The following SCAPER variants were observed in gnomAD, a reference collection of about 807,000 sequenced individuals.
SCAPER encodes S phase cyclin A-associated protein in the endoplasmic reticulum.
SCAPER carries 98 observed loss-of-function variants against 182.2 expected under a neutral mutation model. The observed-to-expected ratio is 0.54, with a 90% CI of 0.46 to 0.64. The LOEUF (loss-of-function observed/expected upper bound fraction) is 0.64. Among genes scored for constraint, SCAPER ranks in the 30% least tolerant of loss-of-function variants. SCAPER has a pLI of 0.00. For missense variants in SCAPER, 1,432 were observed against 1,690.0 expected (o/e 0.85, Z 2.68); for synonymous variants, 605 against 564.6 (o/e 1.07, Z -1.01).
chr15:76,425,801 A>G (rs2046384230), intron 26 of SCAPER, among the ~76,000 whole-genome samples: 1 of 152,036 alleles, frequency 6.6e-6, no homozygotes, highest in African/African-American at 2.4e-5. Context: ...TTTGGTGTGG[A>G]TGTCCTTTGT....
intron 21 of SCAPER, among the ~76,000 whole-genome samples, chr15:76,642,967 T>C (rs140822192): frequency 2.6e-5 from 4 of 152,204 alleles, no homozygotes; most frequent in Non-Finnish European, 5.9e-5. Context: ...AGGTTTCAAT[T>C]AAAAAAGATA....
At chr15:76,652,108 T>C (rs116439742) in intron 21 of SCAPER, among the ~76,000 whole-genome samples, 1 of 149,408 alleles carries the variant, frequency 6.7e-6, no homozygotes, top group East Asian at 2.0e-4. Context: ...AGATTAGGCA[T>C]CAAAGAAACA....
At chr15:76,783,845 T>TA (rs779076876) in intron 8 of SCAPER, among the ~76,000 whole-genome samples, 2 of 152,224 alleles carry the variant, frequency 1.3e-5, no homozygotes, top group African/African-American at 4.8e-5. Flanking sequence ...CACTTCATGC[T>TA]AAAAACTCTC....
intron 23 of SCAPER, among the ~76,000 whole-genome samples, chr15:76,535,720 A>T (rs1036791326): frequency 6.6e-6 from 1 of 152,032 alleles, no homozygotes; most frequent in Non-Finnish European, 1.5e-5. Flanking sequence ...AAATCTTTTC[A>T]TTCAGGCTCT....
At chr15:76,481,220 A>G (rs1186481411) in intron 24 of SCAPER, among the ~76,000 whole-genome samples, 1 of 152,220 alleles carries the variant, frequency 6.6e-6, no homozygotes, top group Non-Finnish European at 1.5e-5. Context: ...TTATTTTAGA[A>G]CTTGAAAATT....
At chr15:76,870,847 G>A (rs1441934421) in intron 2 of SCAPER, among the ~76,000 whole-genome samples, 6 of 151,940 alleles carry the variant, frequency 3.9e-5, no homozygotes, top group East Asian at 1.9e-4. Flanking sequence ...ATCATACCAC[G>A]AATCAATAGG....
intron 22 of SCAPER, among the ~76,000 whole-genome samples, chr15:76,583,893 C>A (rs962615955): frequency 3.3e-5 from 5 of 152,120 alleles, no homozygotes; most frequent in Non-Finnish European, 5.9e-5. Context: ...AACAGAGCTA[C>A]CATATGATCT....
chr15:76,864,332 A>G (rs141101855), intron 2 of SCAPER, among the ~76,000 whole-genome samples: 10 of 152,346 alleles, frequency 6.6e-5, no homozygotes, highest in South Asian at 2.1e-4. Context: ...ATATACACAT[A>G]AAGTAGTTTC....
At chr15:76,763,703 G>A (rs1234993277) in intron 14 of SCAPER, among the ~76,000 whole-genome samples, 2 of 151,862 alleles carry the variant, frequency 1.3e-5, no homozygotes, top group East Asian at 3.8e-4. Flanking sequence ...CTGTTTTCAA[G>A]TTCTCTTGAT....
intron 23 of SCAPER, among the ~76,000 whole-genome samples, chr15:76,568,106 T>C (rs1446446281): frequency 1.3e-5 from 2 of 151,588 alleles, no homozygotes; most frequent in Admixed American, 6.6e-5. Context: ...ATTCACTAAA[T>C]AGAGCACACT....
rs868339832 is a variant in SCAPER at position 76,568,126 on chromosome 15, C to T, written c.2838+6032G>A. Among the ~76,000 whole-genome samples the T allele has an allele frequency of 5.3e-4, 80 of 150,420 alleles. 2 individuals carry two copies. The highest frequency in any genetic ancestry group is 5.0e-4 in the Non-Finnish European group (34 of 67,892). ...CTAAATAGAGCACACTTTCCCACAA[C>T]GTTTTGTGGTGCTTCCTTTTTCCAT... On this transcript the variant is annotated intron_variant, in intron 23 of 31. Transcript: ENST00000563290.
intron 5 of SCAPER, among the ~76,000 whole-genome samples, chr15:76,837,287 G>C (rs1220873681): frequency 1.3e-5 from 2 of 152,130 alleles, no homozygotes; most frequent in African/African-American, 2.4e-5. Flanking sequence ...AAAAAATGCT[G>C]TATCAGTCTG....
chr15:76,877,855 G>C (rs2073275294), intron 2 of SCAPER, among the ~76,000 whole-genome samples: 1 of 152,138 alleles, frequency 6.6e-6, no homozygotes, highest in African/African-American at 2.4e-5. Context: ...GACAAATTTT[G>C]AATATCTACT....
At position 76,467,886 on chromosome 15, in the gene SCAPER, G is replaced by C. The variant is rs569293843; in HGVS notation, c.3078+3326C>G. 3.5e-4 allele frequency among the ~76,000 whole-genome samples: 54 copies of C among 152,202 alleles called. 1 individual carries two copies. The South Asian group carries it at 0.011, about 30-fold the overall frequency. On this transcript the variant is annotated intron_variant, in intron 25 of 31. Transcript: ENST00000563290. The stretch of plus-strand genomic sequence containing the variant: ...AGAGTGCCAAAACAAACTCCAAGTG[G>C]CTAGAAGAAAAATGTCTCCTAAACC...
At chr15:76,365,659 G>GA (rs1301458486) in intron 29 of SCAPER, among the ~76,000 whole-genome samples, 1 of 135,574 alleles carries the variant, frequency 7.4e-6, no homozygotes, top group Non-Finnish European at 1.7e-5. Flanking sequence ...CTTTATTTTG[G>GA]ATTTTTTTTG....
At chr15:76,607,869 A>T (rs964485774) in intron 22 of SCAPER, among the ~76,000 whole-genome samples, 16 of 152,114 alleles carry the variant, frequency 1.1e-4, no homozygotes, top group Admixed American at 7.2e-4. Context: ...CAGCTCCATC[A>T]GGTCCTCTAA....
intron 21 of SCAPER, among the ~76,000 whole-genome samples, chr15:76,625,084 C>T (rs1038162761): frequency 7.2e-5 from 11 of 152,088 alleles, no homozygotes; most frequent in East Asian, 1.9e-4. Context: ...GTACCAACAG[C>T]GGTGGACTGG....
chr15:76,633,386 T>C (rs2053312929), intron 21 of SCAPER, among the ~76,000 whole-genome samples: 2 of 152,196 alleles, frequency 1.3e-5, no homozygotes, highest in South Asian at 2.1e-4. Flanking sequence ...TATTGGGACA[T>C]CTCACTCAGT....
At chr15:76,458,733 C>G (rs1041026687) in intron 25 of SCAPER, among the ~76,000 whole-genome samples, 5 of 152,150 alleles carry the variant, frequency 3.3e-5, no homozygotes, top group African/African-American at 1.2e-4. Flanking sequence ...AAACTACGGT[C>G]ACCCTGCTCT....
Sources: allele counts gnomAD v4.1 joint callset (sites outside exome capture counted in the v4.1 genomes callset), GRCh38; gene constraint gnomAD v4.1.1; transcripts MANE v1.5; gene names NCBI Gene and HGNC (gene_info 2026-07-23, HGNC 2026-07-21).